Variants in FN1 observed in about 807,000 individuals in gnomAD.
FN1 encodes fibronectin 1, also known as fibronectin.
In FN1, 106 loss-of-function variants were observed where a neutral mutation model predicts 297.3. The ratio of observed to expected loss-of-function variants is 0.36; its 90% CI spans 0.30 to 0.42. The LOEUF (loss-of-function observed/expected upper bound fraction) is 0.42. Ranked by LOEUF, FN1 falls within the 10% of genes least tolerant of loss-of-function variation. The pLI is 1.00. For missense variants in FN1, 2,690 were observed against 3,124.9 expected, an observed-to-expected ratio of 0.86 and a Z score of 3.32; for synonymous variants, 1,149 against 1,152.6, an observed-to-expected ratio of 1.00 and a Z score of 0.06.
At chr2:215,389,149 G>T (rs1438404117) in intron 26 of FN1, among the ~76,000 whole-genome samples, 2 of 151,986 alleles carry the variant, frequency 1.3e-5, no homozygotes, top group African/African-American at 4.8e-5. Context: ...TGTTGCCCAG[G>T]CCGGAGTGCA....
At position 215,384,072 on chromosome 2, in the gene FN1, G is replaced by A. The variant is rs779183451; in HGVS notation, c.4842C>T (p.Gly1614=). 1.3e-4 allele frequency: 207 copies of A among 1,613,962 alleles called. No homozygotes were observed. The highest frequency in any genetic ancestry group is 1.7e-4 in the Non-Finnish European group (200 of 1,180,010). Residue 1614 remains glycine (G), a synonymous_variant, in exon 30 of 46, where the codon GGC becomes GGT. Transcript: ENST00000354785. ...DYTITVYAVT[G]RGDSPASSKP... ...TGCTGCTTGCGGGGCTGTCTCCACGGCCAGTGACAGCATACACAGTGATGG... is the reference window on the plus strand; with the variant it reads ...TGCTGCTTGCGGGGCTGTCTCCACGACCAGTGACAGCATACACAGTGATGG...
In FN1 at chr2:215,392,909, C is replaced by G. The variant is rs779814207; in HGVS notation, c.4069+22G>C. ...CATGCAACACCATCTATGTCTCAAACGCAGAAGTTTTCAAAATTCACCCGT... is the reference window on the plus strand; with the variant it reads ...CATGCAACACCATCTATGTCTCAAAGGCAGAAGTTTTCAAAATTCACCCGT... On this transcript the variant is annotated intron_variant, in intron 25 of 45. Coordinates refer to ENST00000354785, the MANE Select transcript of FN1 (RefSeq NM_212482.4). 9 of 1,611,976 alleles carry G rather than the reference C, an allele frequency of 5.6e-6. No homozygotes were observed. The East Asian group carries it at 1.1e-4, about 20-fold the overall frequency.
intron 26 of FN1, among the ~76,000 whole-genome samples, chr2:215,391,395 T>A (rs983185924): frequency 6.6e-6 from 1 of 152,228 alleles, no homozygotes; most frequent in Non-Finnish European, 1.5e-5. Context: ...GTCATGGAAC[T>A]TTCCTGCAGG....
chr2:215,428,039 A>G, intron 6 of FN1, 141 bp downstream of exon 6: 1 of 1,051,872 alleles, frequency 9.5e-7, no homozygotes, highest in Admixed American at 1.9e-5. Flanking sequence ...TTTAACAACC[A>G]ATAATGTGTA....
chr2:215,360,950 A>G lies in FN1; in HGVS notation c.*605T>C, dbSNP rs2053355095. ...ACAGTATAAAAAATAATCACCCACCATAATTATACCAAATTCCTCTTATCA... is the reference window on the plus strand; with the variant it reads ...ACAGTATAAAAAATAATCACCCACCGTAATTATACCAAATTCCTCTTATCA... On this transcript the variant is annotated 3_prime_UTR_variant, in exon 46 of 46. Coordinates refer to ENST00000354785, the MANE Select transcript of FN1 (RefSeq NM_212482.4). 6.5e-6 allele frequency: 1 copy of G among 154,256 alleles called. No homozygotes were observed. Among genetic ancestry groups the G allele is most frequent in the South Asian group, 2.0e-4 (1 of 4,936 alleles). 9.6% of individuals were successfully genotyped at this position (154,256 alleles called of 1,614,324 possible). A position where few individuals can be genotyped will look rare whatever the true frequency, so the allele number is the denominator to read the frequency against.
chr2:215,421,923 C>G (rs1394558546), intron 10 of FN1, among the ~76,000 whole-genome samples, 168 bp downstream of exon 10: 2 of 152,156 alleles, frequency 1.3e-5, no homozygotes, highest in Non-Finnish European at 2.9e-5. Context: ...TAGCAGGCTG[C>G]CTGCTAAGCC....
At chr2:215,376,806 T>C (rs2057357680) in intron 35 of FN1, 132 bp from the exon 36 acceptor site, 1 of 744,110 alleles carries the variant, frequency 1.3e-6, no homozygotes, top group African/African-American at 1.8e-5. Flanking sequence ...AATGTGTAGA[T>C]TATCTCCTTT....
intron 42 of FN1, among the ~76,000 whole-genome samples, chr2:215,366,279 G>A (rs2054590182): frequency 1.3e-5 from 2 of 152,008 alleles, no homozygotes; most frequent in Non-Finnish European, 2.9e-5. Flanking sequence ...TTAAAATTGT[G>A]GAAAACTAAA....
intron 32 of FN1, chr2:215,381,297 G>C: frequency 3.4e-6 from 2 of 590,954 alleles, no homozygotes; most frequent in South Asian, 3.9e-5. Context: ...GTGTATGTGA[G>C]ATAAGCAGAT....
chr2:215,435,301 A>G lies in FN1; in HGVS notation c.148+354T>C, dbSNP rs142327253. 2.1e-3 allele frequency among the ~76,000 whole-genome samples: 324 copies of G among 152,326 alleles called. 1 individual carries two copies. The highest frequency in any genetic ancestry group is 3.5e-3 in the Non-Finnish European group (236 of 68,030). On this transcript the variant is annotated intron_variant, in intron 1 of 45. Coordinates refer to ENST00000354785, the MANE Select transcript of FN1 (RefSeq NM_212482.4). The stretch of plus-strand genomic sequence containing the variant: ...GACCAATTATTTAACAGAAGGAAAT[A>G]AGTAGCAGTAAGGACCACACTAATC...
intron 26 of FN1, among the ~76,000 whole-genome samples, chr2:215,391,075 G>GT (rs1010954559): frequency 7.9e-5 from 12 of 151,894 alleles, no homozygotes; most frequent in African/African-American, 2.9e-4. Context: ...TTTAATGTCA[G>GT]TTTTTTTTCT....
chr2:215,399,462 T>C, intron 20 of FN1, 111 bp from the exon 21 acceptor site: 1 of 751,762 alleles, frequency 1.3e-6, no homozygotes, highest in Non-Finnish European at 2.4e-6. Flanking sequence ...AAGCAGTGGA[T>C]AGAGGATGTA....
At chr2:215,406,146 C>T (rs2061747543) in intron 19 of FN1, 92 bp downstream of exon 19, 1 of 1,297,540 alleles carries the variant, frequency 7.7e-7, no homozygotes, top group Non-Finnish European at 1.1e-6. Context: ...CTAAGCCATA[C>T]ACCTCTGAGT....
chr2:215,416,577 A>C (rs929182013), intron 12 of FN1, among the ~76,000 whole-genome samples: 2 of 152,202 alleles, frequency 1.3e-5, no homozygotes, highest in African/African-American at 4.8e-5. Context: ...GGGCTATTTA[A>C]ATATTGATCC....
intron 10 of FN1, among the ~76,000 whole-genome samples, chr2:215,421,683 T>C (rs903461334): frequency 6.6e-6 from 1 of 152,232 alleles, no homozygotes; most frequent in Non-Finnish European, 1.5e-5. Flanking sequence ...GTCCCCTATG[T>C]ATTTGTTTCC....
In FN1 at chr2:215,361,002, A is replaced by AT. The variant is rs538103337; in HGVS notation, c.*552dup. ...CTGCATACTAAGTGTTTTCAATACAATTTTTTCCGTATAAAAATACTGGGA... is the reference window on the plus strand; with the variant it reads ...CTGCATACTAAGTGTTTTCAATACAATTTTTTTCCGTATAAAAATACTGGGA... On this transcript the variant is annotated 3_prime_UTR_variant, in exon 46 of 46. Transcript: ENST00000354785. The AT allele has an allele frequency of 2.3e-3, 358 of 157,388 alleles. 1 individual carries two copies. Among genetic ancestry groups the AT allele is most frequent in the African/African-American group, 8.0e-3 (332 of 41,586 alleles). 9.7% of individuals were successfully genotyped at this position (157,388 alleles called of 1,614,324 possible). A position where few individuals can be genotyped will look rare whatever the true frequency, so the allele number is the denominator to read the frequency against.
chr2:215,410,238 T>A, intron 13 of FN1, 124 bp from the exon 14 acceptor site: 1 of 932,638 alleles, frequency 1.1e-6, no homozygotes, highest in Non-Finnish European at 1.7e-6. Flanking sequence ...AGCTCCATTC[T>A]AGAGGAAAAT....
At chr2:215,412,620 CCAGA>C (rs1037573317) in intron 13 of FN1, among the ~76,000 whole-genome samples, 4 of 151,934 alleles carry the variant, frequency 2.6e-5, no homozygotes, top group African/African-American at 4.8e-5. Flanking sequence ...GCCACTGTGC[CCAGA>C]CAAAGTTGAG....
At chr2:215,385,250 A>T (rs1456932628) in intron 28 of FN1, among the ~76,000 whole-genome samples, 3 of 3,652 alleles carry the variant, frequency 8.2e-4, no homozygotes, top group Admixed American at 3.3e-3. Context: ...AGAAAAGTTA[A>T]AAAAAAAAAA....
Sources: gnomAD v4.1 joint callset for allele counts (sites outside exome capture counted in the v4.1 genomes callset) on GRCh38, gnomAD v4.1.1 for gene constraint, MANE v1.5 for transcripts, NCBI Gene and HGNC (gene_info 2026-07-23, HGNC 2026-07-21) for gene names.